Variants in FAM135B observed in about 807,000 individuals in gnomAD.
FAM135B encodes the protein protein FAM135B.
A neutral mutation model predicts 127.7 loss-of-function variants in FAM135B; 43 were observed. The ratio of observed to expected loss-of-function variants is 0.34; its 90% confidence interval spans 0.26 to 0.43. FAM135B has a LOEUF of 0.43. Ranked by LOEUF, FAM135B falls within the 20% of genes least tolerant of loss-of-function variation. The pLI, the probability that FAM135B is intolerant of heterozygous loss-of-function variation, is 1.00. For missense variants in FAM135B, 1,558 were observed against 1,725.6 expected (o/e 0.90, Z 1.72); for synonymous variants, 670 against 665.1 (o/e 1.01, Z -0.11).
At chr8:138,341,989 T>C (rs992587511) in intron 2 of FAM135B, among the ~76,000 whole-genome samples, 28 of 152,200 alleles carry the variant, frequency 1.8e-4, no homozygotes, top group Admixed American at 1.7e-3. Context: ...GGACCAAGTT[T>C]TGGTGCTCTC....
intron 2 of FAM135B, among the ~76,000 whole-genome samples, chr8:138,353,157 G>T (rs1007286174): frequency 2.6e-5 from 4 of 152,052 alleles, no homozygotes; most frequent in Non-Finnish European, 5.9e-5. Flanking sequence ...TCCTATGCAT[G>T]CTTTTCTACC....
At chr8:138,232,336 G>A (rs1819965097) in intron 7 of FAM135B, among the ~76,000 whole-genome samples, 1 of 152,202 alleles carries the variant, frequency 6.6e-6, no homozygotes, top group Admixed American at 6.5e-5. Flanking sequence ...ATACTGGTGT[G>A]GAGCATGGCT....
intron 3 of FAM135B, among the ~76,000 whole-genome samples, chr8:138,280,116 G>A (rs1309323540): frequency 2.6e-5 from 4 of 152,120 alleles, no homozygotes; most frequent in Non-Finnish European, 4.4e-5. Context: ...GAATCTACCC[G>A]CTGCACCCAC....
At chr8:138,316,840 C>A (rs1476899047) in intron 2 of FAM135B, among the ~76,000 whole-genome samples, 1 of 151,920 alleles carries the variant, frequency 6.6e-6, no homozygotes, top group South Asian at 2.1e-4. Context: ...GTAAGCCGGG[C>A]GTGGTGGTGG....
intron 1 of FAM135B, among the ~76,000 whole-genome samples, chr8:138,382,005 A>G (rs574475868): frequency 1.6e-4 from 24 of 151,978 alleles, no homozygotes; most frequent in Non-Finnish European, 3.2e-4. Flanking sequence ...CAAGGCTGGC[A>G]TTTCAGACAT....
At chr8:138,186,098 A>T (rs1815543547) in intron 9 of FAM135B, among the ~76,000 whole-genome samples, 1 of 152,058 alleles carries the variant, frequency 6.6e-6, no homozygotes, top group African/African-American at 2.4e-5. Flanking sequence ...CTTCAGGGCA[A>T]TGTCCCAGGC....
intron 2 of FAM135B, among the ~76,000 whole-genome samples, chr8:138,337,055 C>G (rs1440923561): frequency 6.6e-6 from 1 of 150,896 alleles, no homozygotes; most frequent in Non-Finnish European, 1.5e-5. Context: ...CAAAATTCAA[C>G]AACCCTTCAT....
chr8:138,473,145 G>A (rs147434852), intron 1 of FAM135B, among the ~76,000 whole-genome samples: 5 of 152,098 alleles, frequency 3.3e-5, no homozygotes, highest in South Asian at 4.2e-4. Flanking sequence ...TTCTCGTGAC[G>A]ACTTAAGGCC....
At position 138,285,134 on chromosome 8, in the gene FAM135B, A is replaced by ATT. The variant is rs386414180; in HGVS notation, c.158-19294_158-19293dup. On this transcript the variant is annotated intron_variant, in intron 3 of 19. Coordinates refer to ENST00000395297, the MANE Select transcript of FAM135B (RefSeq NM_015912.4). The stretch of plus-strand genomic sequence containing the variant: ...TGGAAAACATATATTGGCTCTACTA[A>ATT]TTTTTTTTTTTTTTTTTTTTTTTTT... Among the ~76,000 whole-genome samples, 68 of 54,784 alleles carry ATT rather than the reference A, an allele frequency of 1.2e-3. 5 individuals are homozygous for ATT. The highest frequency in any genetic ancestry group is 4.4e-3 in the African/African-American group (62 of 14,118). 35.9% of individuals were successfully genotyped at this position (54,784 alleles called of 152,430 possible).
intron 4 of FAM135B, among the ~76,000 whole-genome samples, chr8:138,257,490 A>G (rs1201558579): frequency 3.9e-5 from 6 of 152,034 alleles, no homozygotes; most frequent in African/African-American, 1.4e-4. Flanking sequence ...TGGTACCCCT[A>G]GTTCTCTTTT....
chr8:138,402,318 T>C (rs1165152740), intron 1 of FAM135B, among the ~76,000 whole-genome samples: 1 of 152,180 alleles, frequency 6.6e-6, no homozygotes, highest in Non-Finnish European at 1.5e-5. Context: ...TTCTCAGTTT[T>C]TCGTGGGAAA....
chr8:138,247,020 T>C (rs1351353818), intron 6 of FAM135B, among the ~76,000 whole-genome samples: 2 of 152,208 alleles, frequency 1.3e-5, no homozygotes, highest in Non-Finnish European at 2.9e-5. Context: ...TTTGGCCAAC[T>C]TCTCCCACTT....
intron 1 of FAM135B, chr8:138,450,717 T>C (rs1836437323): frequency 6.6e-6 from 1 of 152,190 alleles, no homozygotes; most frequent in Admixed American, 6.6e-5. Flanking sequence ...TGTTGAGTTT[T>C]ATGGTCTTTG....
At chr8:138,184,535 C>A (rs1218130138) in intron 9 of FAM135B, among the ~76,000 whole-genome samples, 3 of 152,202 alleles carry the variant, frequency 2.0e-5, no homozygotes, top group Non-Finnish European at 4.4e-5. Flanking sequence ...TGAGGTCTCA[C>A]TGGGCCCAGA....
chr8:138,264,341 A>C (rs574964175), intron 4 of FAM135B, among the ~76,000 whole-genome samples: 19 of 152,300 alleles, frequency 1.2e-4, no homozygotes, highest in African/African-American at 3.6e-4. Flanking sequence ...CATTCTCACT[A>C]TCTGAGTATC....
intron 11 of FAM135B, 146 bp from the exon 12 acceptor site, chr8:138,168,195 A>G (rs1820120212): frequency 1.8e-5 from 17 of 921,330 alleles, no homozygotes; most frequent in Non-Finnish European, 2.7e-5. Context: ...CCACCCACCT[A>G]CTTAGCCCCC....
At chr8:138,219,425 G>A (rs896554032) in intron 7 of FAM135B, among the ~76,000 whole-genome samples, 1 of 152,148 alleles carries the variant, frequency 6.6e-6, no homozygotes, top group Non-Finnish European at 1.5e-5. Context: ...TTGATTTGCT[G>A]CCTTTAGTCA....
intron 2 of FAM135B, among the ~76,000 whole-genome samples, chr8:138,332,034 G>A (rs1000836626): frequency 7.9e-5 from 12 of 152,182 alleles, no homozygotes; most frequent in Non-Finnish European, 4.4e-5. Context: ...CTTATGTTAT[G>A]AAACCCAGTG....
intron 2 of FAM135B, among the ~76,000 whole-genome samples, chr8:138,327,869 G>C (rs1459077410): frequency 6.6e-6 from 1 of 152,160 alleles, no homozygotes; most frequent in African/African-American, 2.4e-5. Context: ...TTGATTTAAG[G>C]AAGAAGCAAA....
Sources: allele counts gnomAD v4.1 joint callset (sites outside exome capture counted in the v4.1 genomes callset), GRCh38; gene constraint gnomAD v4.1.1; transcripts MANE v1.5; gene names NCBI Gene and HGNC (gene_info 2026-07-23, HGNC 2026-07-21).